Variants in CTTNBP2NL observed in about 807,000 individuals in gnomAD.
CTTNBP2NL encodes CTTNBP2 N-terminal like.
CTTNBP2NL carries 16 observed loss-of-function variants against 32.5 expected under a neutral mutation model. The ratio of observed to expected loss-of-function variants is 0.49; its 90% CI spans 0.33 to 0.75. The LOEUF is 0.75. Ranked by LOEUF, CTTNBP2NL falls within the 30% of genes least tolerant of loss-of-function variation. CTTNBP2NL has a pLI of 0.02. For missense variants in CTTNBP2NL, 645 were observed against 756.0 expected (o/e 0.85, Z 1.72); for synonymous variants, 298 against 289.4 (o/e 1.03, Z -0.30).
intron 2 of CTTNBP2NL, 25 bp from the exon 3 acceptor site, chr1:112,416,132 T>C: frequency 8.6e-7 from 1 of 1,158,138 alleles, no homozygotes; most frequent in South Asian, 1.3e-5. Flanking sequence ...CTTTGGAGAT[T>C]GTCTGATTGT....
At chr1:112,425,599 C>A (rs1258976394) in intron 3 of CTTNBP2NL, among the ~76,000 whole-genome samples, 3 of 151,854 alleles carry the variant, frequency 2.0e-5, no homozygotes, top group Non-Finnish European at 4.4e-5. Flanking sequence ...GACGGTGGCT[C>A]ATGCCTATAA....
intron 3 of CTTNBP2NL, among the ~76,000 whole-genome samples, chr1:112,424,542 A>G (rs1235581122): frequency 6.6e-6 from 1 of 152,198 alleles, no homozygotes; most frequent in Non-Finnish European, 1.5e-5. Flanking sequence ...TCAGCTTGCC[A>G]ATTTCCCTAA....
chr1:112,428,816 G>A (rs1207536811), intron 3 of CTTNBP2NL, among the ~76,000 whole-genome samples: 1 of 152,008 alleles, frequency 6.6e-6, no homozygotes, highest in Non-Finnish European at 1.5e-5. Flanking sequence ...GACCCCACTA[G>A]ACTAGTTTTA....
chr1:112,442,295 A>C (rs1232426056), intron 3 of CTTNBP2NL, among the ~76,000 whole-genome samples: 1 of 152,036 alleles, frequency 6.6e-6, no homozygotes, highest in African/African-American at 2.4e-5. Flanking sequence ...GCTAATTTTT[A>C]TATTTTTAGT....
chr1:112,430,592 G>T, intron 3 of CTTNBP2NL, among the ~76,000 whole-genome samples: 2 of 66,278 alleles, frequency 3.0e-5, no homozygotes, highest in Admixed American at 2.1e-4. Context: ...TGACTCTGTT[G>T]CCCAGGCTTG....
chr1:112,399,318 CAA>C (rs72332884), intron 1 of CTTNBP2NL, among the ~76,000 whole-genome samples: 7 of 78,044 alleles, frequency 9.0e-5, no homozygotes, highest in Middle Eastern at 6.8e-3. Flanking sequence ...GACTCTGTCT[CAA>C]AAAAAAAAAA....
In CTTNBP2NL at chr1:112,396,248, G is replaced by C. The variant is rs2100985879; in HGVS notation, c.-158G>C. 1 of 152,546 alleles carries C rather than the reference G, an allele frequency of 6.6e-6. No individual in the cohort carries two copies. The allele number at this position is 152,546 out of a possible 1,614,324, so 9.4% of individuals were successfully genotyped here. A position where few individuals can be genotyped will look rare whatever the true frequency, so the allele number is the denominator to read the frequency against. On this transcript the variant is annotated 5_prime_UTR_variant, in exon 1 of 6. Transcript: ENST00000271277. ...GGATGGGGAGTGGAGGCGGAGGGGAGCGGAGCCCGGAGCGTCGTGGAAAGG... is the reference window on the plus strand; with the variant it reads ...GGATGGGGAGTGGAGGCGGAGGGGACCGGAGCCCGGAGCGTCGTGGAAAGG...
chr1:112,396,169 G>T (rs901204401), upstream of CTTNBP2NL: 2 of 152,324 alleles, frequency 1.3e-5, no homozygotes, highest in Admixed American at 6.5e-5. Flanking sequence ...ATTGGCGCTG[G>T]TGAATGCCAA....
intron 1 of CTTNBP2NL, among the ~76,000 whole-genome samples, chr1:112,411,075 G>A (rs1648849746): frequency 6.6e-6 from 1 of 152,188 alleles, no homozygotes. Flanking sequence ...TGCTGGAATA[G>A]CTTATGCAGT....
chr1:112,456,377 C>G lies in CTTNBP2NL; in HGVS notation c.885C>G (p.Thr295=). 1 of 1,614,040 alleles carries G rather than the reference C, an allele frequency of 6.2e-7. No individual in the cohort carries two copies. Among genetic ancestry groups the G allele is most frequent in the African/African-American group, 1.3e-5 (1 of 75,028 alleles). ...ATGAGCAATTGAAGAAACCAGTAACCGTGTCCAAAGGCACAGCAACTGAGC... is the reference window on the plus strand; with the variant it reads ...ATGAGCAATTGAAGAAACCAGTAACGGTGTCCAAAGGCACAGCAACTGAGC... ...SPNEQLKKPV[T]VSKGTATEPL... The change falls in exon 6 of 6, where the codon ACC becomes ACG. Residue 295 remains threonine, a synonymous_variant. Coordinates refer to ENST00000271277, the MANE Select transcript of CTTNBP2NL (RefSeq NM_018704.3).
intron 2 of CTTNBP2NL, among the ~76,000 whole-genome samples, chr1:112,414,365 A>T (rs1023360875): frequency 1.3e-5 from 2 of 152,226 alleles, no homozygotes; most frequent in African/African-American, 4.8e-5. Context: ...CTCCATCTCA[A>T]AAAAAGAAAA....
At chr1:112,420,384 C>A (rs1649194046) in intron 3 of CTTNBP2NL, among the ~76,000 whole-genome samples, 1 of 151,892 alleles carries the variant, frequency 6.6e-6, no homozygotes, top group African/African-American at 2.4e-5. Context: ...GACTCCTGAT[C>A]TACCCACCTC....
intron 1 of CTTNBP2NL, among the ~76,000 whole-genome samples, chr1:112,411,056 G>A (rs563587410): frequency 1.3e-5 from 2 of 152,184 alleles, no homozygotes; most frequent in South Asian, 2.1e-4. Context: ...CCATATATTG[G>A]GCAGAAATTG....
At chr1:112,431,690 T>C (rs894240786) in intron 3 of CTTNBP2NL, among the ~76,000 whole-genome samples, 2 of 152,194 alleles carry the variant, frequency 1.3e-5, no homozygotes, top group African/African-American at 4.8e-5. Flanking sequence ...ATCCTTAGTA[T>C]GGAATATTAT....
chr1:112,457,286 A>G lies in CTTNBP2NL; in HGVS notation c.1794A>G (p.Pro598=), dbSNP rs890423858. ...CCCCTTCTCCATCTGCTACCACTCCATTGACCAAAACTCATTCCCAGGCAG... is the reference window on the plus strand; with the variant it reads ...CCCCTTCTCCATCTGCTACCACTCCGTTGACCAAAACTCATTCCCAGGCAG... ...GLTPSPSATT[P]LTKTHSQAAS... The change falls in exon 6 of 6, where the codon CCA becomes CCG. Residue 598 remains proline (P), a synonymous_variant. Transcript: ENST00000271277. 2.5e-6 allele frequency: 4 copies of G among 1,614,100 alleles called. No homozygotes were observed. Among genetic ancestry groups the G allele is most frequent in the Non-Finnish European group, 1.7e-6 (2 of 1,180,014 alleles).
chr1:112,398,207 A>G (rs1009905893), intron 1 of CTTNBP2NL, among the ~76,000 whole-genome samples: 1 of 152,250 alleles, frequency 6.6e-6, no homozygotes, highest in African/African-American at 2.4e-5. Flanking sequence ...TTTAATAGGA[A>G]AAAGCAAATA....
chr1:112,420,848 C>T (rs1387267596), intron 3 of CTTNBP2NL, among the ~76,000 whole-genome samples: 1 of 152,158 alleles, frequency 6.6e-6, no homozygotes, highest in Non-Finnish European at 1.5e-5. Context: ...ACTAGGCACT[C>T]TTCAAAACCA....
intron 1 of CTTNBP2NL, among the ~76,000 whole-genome samples, chr1:112,401,757 G>C (rs1176479168): frequency 6.6e-6 from 1 of 152,136 alleles, no homozygotes; most frequent in Non-Finnish European, 1.5e-5. Context: ...CATTGAACTA[G>C]ATAATGCAAT....
At chr1:112,438,178 A>G (rs1456658045) in intron 3 of CTTNBP2NL, among the ~76,000 whole-genome samples, 1 of 152,166 alleles carries the variant, frequency 6.6e-6, no homozygotes, top group East Asian at 1.9e-4. Flanking sequence ...GTTCATGAGC[A>G]TGGAGTGTTT....
Sources: gnomAD v4.1 joint callset for allele counts (sites outside exome capture counted in the v4.1 genomes callset) on GRCh38, gnomAD v4.1.1 for gene constraint, MANE v1.5 for transcripts, NCBI Gene and HGNC (gene_info 2026-07-23, HGNC 2026-07-21) for gene names.